Variants in ARHGEF28 observed in about 807,000 individuals in gnomAD.
ARHGEF28 encodes 190 kDa guanine nucleotide exchange factor.
In ARHGEF28, 152 loss-of-function variants were observed where a neutral mutation model predicts 206.6. That is an observed-to-expected ratio of 0.74 (90% CI 0.64 to 0.84). The LOEUF is 0.84. Ranked by LOEUF, ARHGEF28 falls within the 40% of genes least tolerant of loss-of-function variation. The pLI, the probability that ARHGEF28 is intolerant of heterozygous loss-of-function variation, is 0.00. For missense variants in ARHGEF28, 2,028 were observed against 2,073.2 expected, an observed-to-expected ratio of 0.98 and a Z score of 0.42; for synonymous variants, 763 against 776.4, an observed-to-expected ratio of 0.98 and a Z score of 0.29.
At chr5:73,682,874 G>C (rs1747198089) in intron 1 of ARHGEF28, among the ~76,000 whole-genome samples, 1 of 152,200 alleles carries the variant, frequency 6.6e-6, no homozygotes, top group Non-Finnish European at 1.5e-5. Flanking sequence ...CTAAGGAGCA[G>C]AACCCAGGCC....
chr5:73,931,180 A>T (rs937037031), intron 35 of ARHGEF28, among the ~76,000 whole-genome samples: 2 of 152,216 alleles, frequency 1.3e-5, no homozygotes, highest in Non-Finnish European at 2.9e-5. Context: ...CAAGGGTTTG[A>T]CTCCACTTTC....
intron 1 of ARHGEF28, among the ~76,000 whole-genome samples, chr5:73,674,504 A>G (rs1337352863): frequency 6.6e-6 from 1 of 152,228 alleles, no homozygotes; most frequent in East Asian, 1.9e-4. Flanking sequence ...CAGGTATGAT[A>G]TTGTGAAACA....
intron 14 of ARHGEF28, among the ~76,000 whole-genome samples, chr5:73,855,295 G>C (rs1261706642): frequency 6.6e-6 from 1 of 152,164 alleles, no homozygotes; most frequent in African/African-American, 2.4e-5. Flanking sequence ...TAATCTGATA[G>C]TGGATTATGA....
chr5:73,826,955 G>A (rs1579947856), intron 9 of ARHGEF28, among the ~76,000 whole-genome samples: 1 of 152,288 alleles, frequency 6.6e-6, no homozygotes, highest in East Asian at 1.9e-4. Flanking sequence ...TTATCCTCCA[G>A]GCACTTTGCA....
intron 22 of ARHGEF28, among the ~76,000 whole-genome samples, chr5:73,880,699 G>A (rs530505488): frequency 4.6e-5 from 7 of 152,300 alleles, no homozygotes; most frequent in Middle Eastern, 3.4e-3. Flanking sequence ...TTGGGAGGCC[G>A]AGGTGGATGG....
intron 1 of ARHGEF28, among the ~76,000 whole-genome samples, chr5:73,640,262 A>C (rs1457874464): frequency 6.6e-6 from 1 of 152,210 alleles, no homozygotes; most frequent in Non-Finnish European, 1.5e-5. Flanking sequence ...TCCAGTCCTC[A>C]GTTTCCTCAT....
At chr5:73,907,484 C>T (rs368476157) in intron 33 of ARHGEF28, among the ~76,000 whole-genome samples, 47 of 152,260 alleles carry the variant, frequency 3.1e-4, no homozygotes, top group East Asian at 1.9e-3. Context: ...ATGGCACAGT[C>T]GTCTTTTTTG....
intron 2 of ARHGEF28, among the ~76,000 whole-genome samples, chr5:73,690,135 C>A (rs1747724232): frequency 6.6e-6 from 1 of 152,068 alleles, no homozygotes; most frequent in South Asian, 2.1e-4. Flanking sequence ...TCTTAGTCTT[C>A]TTTTTCCTAG....
At chr5:73,688,928 A>G (rs1012804979) in intron 2 of ARHGEF28, among the ~76,000 whole-genome samples, 8 of 152,248 alleles carry the variant, frequency 5.3e-5, no homozygotes, top group Non-Finnish European at 1.2e-4. Flanking sequence ...TGCTGGGATT[A>G]CAGGTGTGAG....
chr5:73,925,640 C>T (rs1763754278), intron 35 of ARHGEF28, among the ~76,000 whole-genome samples: 1 of 152,196 alleles, frequency 6.6e-6, no homozygotes, highest in African/African-American at 2.4e-5. Context: ...CCCTTCAAAG[C>T]AGCGACTCCT....
At chr5:73,758,143 C>A (rs543413101) in intron 4 of ARHGEF28, among the ~76,000 whole-genome samples, 29 of 152,106 alleles carry the variant, frequency 1.9e-4, no homozygotes, top group Non-Finnish European at 4.0e-4. Flanking sequence ...GTAAAGAACC[C>A]AAGGGTACTA....
At chr5:73,822,807 T>G (rs963989462) in intron 9 of ARHGEF28, among the ~76,000 whole-genome samples, 22 of 152,154 alleles carry the variant, frequency 1.4e-4, no homozygotes, top group African/African-American at 5.3e-4. Context: ...TCATTTTTTT[T>G]GTAGAAACAA....
intron 7 of ARHGEF28, among the ~76,000 whole-genome samples, chr5:73,785,073 T>A (rs943849323): frequency 1.6e-4 from 24 of 152,256 alleles, no homozygotes; most frequent in Non-Finnish European, 2.8e-4. Flanking sequence ...GTCTGCAATT[T>A]AAAAAAATGT....
intron 20 of ARHGEF28, among the ~76,000 whole-genome samples, chr5:73,869,397 C>A (rs878973851): frequency 6.6e-6 from 1 of 152,186 alleles, no homozygotes; most frequent in South Asian, 2.1e-4. Context: ...TACAAAATAA[C>A]GCGGGGCAGA....
intron 9 of ARHGEF28, among the ~76,000 whole-genome samples, chr5:73,797,623 A>G (rs758636587): frequency 1.3e-5 from 2 of 152,094 alleles, no homozygotes; most frequent in Non-Finnish European, 2.9e-5. Flanking sequence ...ACCTCAAGTG[A>G]TCTGCCAGCC....
chr5:73,633,428 C>T (rs1743493342), intron 1 of ARHGEF28, among the ~76,000 whole-genome samples: 1 of 152,124 alleles, frequency 6.6e-6, no homozygotes, highest in South Asian at 2.1e-4. Context: ...TCTAGCTTGT[C>T]TTGGCCAAGT....
At chr5:73,725,731 G>A (rs908563316) in intron 2 of ARHGEF28, among the ~76,000 whole-genome samples, 1 of 152,108 alleles carries the variant, frequency 6.6e-6, no homozygotes, top group Non-Finnish European at 1.5e-5. Flanking sequence ...TTGGGGTGTG[G>A]TGTAATTCAT....
At chr5:73,710,579 G>C (rs1749180586) in intron 2 of ARHGEF28, among the ~76,000 whole-genome samples, 1 of 152,068 alleles carries the variant, frequency 6.6e-6, no homozygotes, top group Non-Finnish European at 1.5e-5. Flanking sequence ...TTTTCTTTTT[G>C]TAGGTCATAC....
intron 4 of ARHGEF28, among the ~76,000 whole-genome samples, chr5:73,763,257 C>A (rs1477890736): frequency 6.6e-6 from 1 of 152,112 alleles, no homozygotes; most frequent in Non-Finnish European, 1.5e-5. Context: ...CCAGAATATC[C>A]CTTGTTGATT....
Sources: allele counts gnomAD v4.1 joint callset (sites outside exome capture counted in the v4.1 genomes callset), GRCh38; gene constraint gnomAD v4.1.1; transcripts MANE v1.5; gene names NCBI Gene and HGNC (gene_info 2026-07-23, HGNC 2026-07-21).